EPHA3: variants seen among roughly 807,000 people sequenced by gnomAD.
EPHA3 encodes the protein ephrin type-A receptor 3.
A neutral mutation model predicts 107.1 loss-of-function variants in EPHA3; 42 were observed. That is an observed-to-expected ratio of 0.39 (90% CI 0.31 to 0.51). The LOEUF (loss-of-function observed/expected upper bound fraction) is 0.51. Ranked by LOEUF, EPHA3 falls within the 20% of genes least tolerant of loss-of-function variation. EPHA3 has a pLI of 0.78. For synonymous variants in EPHA3, 461 were observed against 424.8 expected (o/e 1.09, Z -1.05); for missense variants, 1,183 against 1,211.2 (o/e 0.98, Z 0.35).
chr3:89,161,396 A>G (rs1429814503), intron 2 of EPHA3, among the ~76,000 whole-genome samples: 1 of 152,208 alleles, frequency 6.6e-6, no homozygotes, highest in African/African-American at 2.4e-5. Context: ...TAATGTTTAC[A>G]TAGTATAAAT....
chr3:89,433,918 G>A (rs1396356567), intron 13 of EPHA3, among the ~76,000 whole-genome samples: 1 of 152,072 alleles, frequency 6.6e-6, no homozygotes, highest in Non-Finnish European at 1.5e-5. Flanking sequence ...TACCAATTCA[G>A]TAGACACTAT....
intron 5 of EPHA3, among the ~76,000 whole-genome samples, chr3:89,385,471 C>T (rs1708596108): frequency 6.6e-6 from 1 of 152,160 alleles, no homozygotes; most frequent in African/African-American, 2.4e-5. Context: ...TTGCTTGGCA[C>T]TTCTACTTCC....
At chr3:89,438,118 G>T (rs1195103012) in intron 13 of EPHA3, among the ~76,000 whole-genome samples, 1 of 150,800 alleles carries the variant, frequency 6.6e-6, no homozygotes, top group Non-Finnish European at 1.5e-5. Context: ...GTTTTGTTTT[G>T]TTTTTTTTGA....
chr3:89,391,851 A>C (rs1708750554), intron 5 of EPHA3, among the ~76,000 whole-genome samples: 2 of 152,190 alleles, frequency 1.3e-5, no homozygotes, highest in Admixed American at 6.5e-5. Flanking sequence ...CTGTATCCAG[A>C]ATAGCAAAAA....
At chr3:89,349,485 C>A (rs1178504631) in intron 5 of EPHA3, among the ~76,000 whole-genome samples, 1 of 148,482 alleles carries the variant, frequency 6.7e-6, no homozygotes. Context: ...CTTCTTCCAT[C>A]CTTTTATTTT....
At chr3:89,136,236 A>G (rs1448848034) in intron 2 of EPHA3, among the ~76,000 whole-genome samples, 1 of 150,162 alleles carries the variant, frequency 6.7e-6, no homozygotes, top group African/African-American at 2.4e-5. Context: ...TTCTGACTAA[A>G]CTCTATTTTA....
chr3:89,192,004 G>A (rs780362036), intron 2 of EPHA3, among the ~76,000 whole-genome samples: 1 of 152,160 alleles, frequency 6.6e-6, no homozygotes, highest in African/African-American at 2.4e-5. Flanking sequence ...TCTCGCCCTA[G>A]TGTGTGACTT....
intron 1 of EPHA3, among the ~76,000 whole-genome samples, chr3:89,110,758 A>G (rs1707083740): frequency 6.6e-6 from 1 of 152,054 alleles, no homozygotes; most frequent in Non-Finnish European, 1.5e-5. Context: ...TTTCCATACC[A>G]CAGGGATGAT....
chr3:89,429,053 T>G (rs1709510153), intron 11 of EPHA3, 53 bp from the exon 12 acceptor site: 3 of 1,244,690 alleles, frequency 2.4e-6, no homozygotes, highest in Non-Finnish European at 3.5e-6. Context: ...ATATGTTCAT[T>G]GTATAATACT....
At chr3:89,328,647 C>T (rs1007587687) in intron 3 of EPHA3, among the ~76,000 whole-genome samples, 25 of 152,164 alleles carry the variant, frequency 1.6e-4, no homozygotes, top group Admixed American at 1.5e-3. Context: ...ATACCTATGT[C>T]TTGGAAGCCC....
At chr3:89,347,678 T>A (rs1489562800) in intron 5 of EPHA3, among the ~76,000 whole-genome samples, 2 of 150,762 alleles carry the variant, frequency 1.3e-5, no homozygotes, top group South Asian at 4.2e-4. Flanking sequence ...AGAGAGGGCA[T>A]CCCTGTCTTG....
chr3:89,347,464 T>G (rs1238689862), intron 5 of EPHA3, among the ~76,000 whole-genome samples: 1 of 149,418 alleles, frequency 6.7e-6, no homozygotes, highest in African/African-American at 2.4e-5. Context: ...ACATTGATTT[T>G]GTATCCTGAG....
chr3:89,394,004 AATG>A (rs1332518738), intron 5 of EPHA3, among the ~76,000 whole-genome samples: 1 of 152,180 alleles, frequency 6.6e-6, no homozygotes, highest in Non-Finnish European at 1.5e-5. Flanking sequence ...ATGAAAGGTA[AATG>A]ATGTTAATTT....
At chr3:89,231,701 A>G (rs2107226160) in intron 3 of EPHA3, among the ~76,000 whole-genome samples, 1 of 152,280 alleles carries the variant, frequency 6.6e-6, no homozygotes, top group African/African-American at 2.4e-5. Flanking sequence ...AAAAAATAAT[A>G]TCCTTTCCCC....
chr3:89,168,936 A>G (rs1363040267), intron 2 of EPHA3, among the ~76,000 whole-genome samples: 4 of 151,200 alleles, frequency 2.6e-5, no homozygotes, highest in Admixed American at 2.6e-4. Context: ...TTTCCAATTC[A>G]TTGTACATAA....
intron 3 of EPHA3, among the ~76,000 whole-genome samples, chr3:89,300,590 T>C (rs1026745990): frequency 1.3e-5 from 2 of 152,072 alleles, no homozygotes; most frequent in African/African-American, 4.8e-5. Context: ...CATTTATTAC[T>C]TTAAACAATT....
chr3:89,433,924 A>G (rs1463830010), intron 13 of EPHA3, among the ~76,000 whole-genome samples: 1 of 152,130 alleles, frequency 6.6e-6, no homozygotes, highest in Admixed American at 6.5e-5. Context: ...TTCAGTAGAC[A>G]CTATATGCAG....
At position 89,340,947 on chromosome 3, in the gene EPHA3, T is replaced by G. The variant is rs781383365; in HGVS notation, c.846T>G (p.Asp282Glu). ...ACRPGFYKAL[D>E]GNMKCAKCPP... ...GACCAGGTTTCTACAAGGCATTGGA[T>G]GGTAATATGAAGTGTGCTAAGTGCC... The change falls in exon 4 of 17, where the codon GAT becomes GAG. Residue 282 changes from aspartate to glutamate, a missense_variant. Coordinates refer to ENST00000336596, the MANE Select transcript of EPHA3 (RefSeq NM_005233.6). 6.2e-7 allele frequency: 1 copy of G among 1,613,494 alleles called. No individual in the cohort carries two copies. Among genetic ancestry groups the G allele is most frequent in the Non-Finnish European group, 8.5e-7 (1 of 1,179,758 alleles).
At chr3:89,423,314 A>T (rs1227546731) in intron 11 of EPHA3, among the ~76,000 whole-genome samples, 1 of 151,404 alleles carries the variant, frequency 6.6e-6, no homozygotes, top group East Asian at 1.9e-4. Context: ...CTAAAAGCTT[A>T]GCCATTGGCT....
Sources: gnomAD v4.1 joint callset for allele counts (sites outside exome capture counted in the v4.1 genomes callset) on GRCh38, gnomAD v4.1.1 for gene constraint, MANE v1.5 for transcripts, NCBI Gene and HGNC (gene_info 2026-07-23, HGNC 2026-07-21) for gene names.